The following NRBP1 variants were observed in gnomAD, a reference collection of about 807,000 sequenced individuals.
NRBP1 encodes nuclear receptor-binding protein.
NRBP1 carries 10 observed loss-of-function variants against 76.0 expected under a neutral mutation model. The observed-to-expected ratio is 0.13, with a 90% confidence interval of 0.08 to 0.22. The LOEUF is 0.22. Among genes scored for constraint, NRBP1 ranks in the 10% least tolerant of loss-of-function variants. The pLI, the probability that NRBP1 is intolerant of heterozygous loss-of-function variation, is 1.00. For missense variants in NRBP1, 344 were observed against 646.0 expected, an observed-to-expected ratio of 0.53 and a Z score of 5.07; for synonymous variants, 235 against 240.2, an observed-to-expected ratio of 0.98 and a Z score of 0.20.
intron 6 of NRBP1, 141 bp downstream of exon 6, chr2:27,434,903 G>A (rs1664247382): frequency 1.1e-5 from 10 of 906,034 alleles, no homozygotes; most frequent in Admixed American, 8.0e-5. Context: ...GGGCCCCTAC[G>A]GGTCTTTTAA....
intron 10 of NRBP1, among the ~76,000 whole-genome samples, chr2:27,438,951 C>T (rs1460713104): frequency 6.6e-6 from 1 of 151,326 alleles, no homozygotes; most frequent in African/African-American, 2.4e-5. Flanking sequence ...ACAGCAAGAC[C>T]CTGTCTCAGA....
chr2:27,440,178 ATTT>A, intron 11 of NRBP1: 1 of 559,220 alleles, frequency 1.8e-6, no homozygotes, highest in Non-Finnish European at 3.2e-6. Context: ...TGCCTGGGTA[ATTT>A]TTGTACTTTT....
chr2:27,428,610 C>T (rs954405377), upstream of NRBP1: 26 of 397,708 alleles, frequency 6.5e-5, no homozygotes, highest in Non-Finnish European at 9.3e-5. Context: ...CCGGGCGCCG[C>T]GAGGGCGGGG....
chr2:27,439,527 C>T (rs1201306054), intron 10 of NRBP1, among the ~76,000 whole-genome samples: 1 of 150,822 alleles, frequency 6.6e-6, no homozygotes, highest in East Asian at 1.9e-4. Context: ...AAAAAGAAAG[C>T]TTGTGGTTGG....
intron 1 of NRBP1, among the ~76,000 whole-genome samples, chr2:27,430,478 T>TTTTTTC: frequency 7.3e-6 from 1 of 137,814 alleles, no homozygotes; most frequent in African/African-American, 2.8e-5. Flanking sequence ...TCTTTTTTTT[T>TTTTTTC]TTTTTTTTGA....
intron 2 of NRBP1, 68 bp from the exon 3 acceptor site, chr2:27,433,605 A>G (rs1664190652): frequency 5.0e-6 from 8 of 1,608,866 alleles, no homozygotes; most frequent in Non-Finnish European, 6.8e-6. Context: ...GGAGATGATC[A>G]TATGGAGTGT....
rs767027817 is a variant in NRBP1 at position 27,441,306 on chromosome 2, C to A, written c.1423C>A (p.His475Asn). The A allele has an allele frequency of 1.5e-5, 24 of 1,614,110 alleles. No homozygotes were observed. Among genetic ancestry groups the A allele is most frequent in the Non-Finnish European group, 2.0e-5 (24 of 1,179,984 alleles). The change falls in exon 16 of 18, where the codon CAC becomes AAC. Residue 475 changes from histidine (H) to asparagine (N), a missense_variant. By Grantham distance (68) the His-to-Asn change is moderately conservative (BLOSUM62 1). This residue lies in a region of NRBP1 where 218 missense variants were observed against 309.8 expected (regional missense o/e 0.70). Coordinates refer to ENST00000379852, the MANE Select transcript of NRBP1 (RefSeq NM_013392.4). ...LLKLEDKLNR[H>N]LSCDLMPNEN... ...GAAGTTGGAGGACAAACTGAACCGGCACCTGAGCTGTGACCTGATGCCAAG... is the reference window on the plus strand; with the variant it reads ...GAAGTTGGAGGACAAACTGAACCGGAACCTGAGCTGTGACCTGATGCCAAG...
chr2:27,439,669 T>C (rs1366090335), intron 10 of NRBP1, 97 bp from the exon 11 acceptor site: 4 of 1,411,490 alleles, frequency 2.8e-6, no homozygotes, highest in Non-Finnish European at 3.9e-6. Context: ...GCACCTACTA[T>C]GTACAAAGCC....
At chr2:27,434,210 C>A in intron 4 of NRBP1, 120 bp downstream of exon 4, 1 of 854,346 alleles carries the variant, frequency 1.2e-6, no homozygotes, top group East Asian at 2.4e-5. Flanking sequence ...CTGGAATCAG[C>A]TGCAATGGCG....
chr2:27,432,836 C>T (rs1256542109), intron 1 of NRBP1, among the ~76,000 whole-genome samples: 1 of 152,130 alleles, frequency 6.6e-6, no homozygotes, highest in East Asian at 1.9e-4. Flanking sequence ...CTCGGCTTCT[C>T]AAAGTGCTGG....
chr2:27,438,359 C>T (rs554512168), intron 10 of NRBP1, among the ~76,000 whole-genome samples: 3 of 152,082 alleles, frequency 2.0e-5, no homozygotes, highest in South Asian at 2.1e-4. Flanking sequence ...TAGTTAGGGA[C>T]GGTGGCCTGA....
rs1664458440 is a variant in NRBP1 at position 27,439,878 on chromosome 2, A to G, written c.1016A>G (p.His339Arg). The change falls in exon 11 of 18, where the codon CAC becomes CGC. Residue 339 changes from histidine (H) to arginine (R), a missense_variant. Physicochemically the swap from His to Arg is conservative, Grantham distance 29. Around this residue, in one of 3 missense-constraint regions of NRBP1, gnomAD observed 218 missense variants for 309.8 expected, o/e 0.70. Coordinates refer to ENST00000379852, the MANE Select transcript of NRBP1 (RefSeq NM_013392.4). ...EVPSLKLLAA[H>R]CIVGHQHMIP... ...CCCTCGCTCAAACTCCTTGCGGCCC[A>G]CTGCATTGTGGGACACCAACGTGAG... The G allele has an allele frequency of 6.2e-7, 1 of 1,613,034 alleles. No individual in the cohort carries two copies. The highest frequency in any genetic ancestry group is 8.5e-7 in the Non-Finnish European group (1 of 1,179,714).
At chr2:27,433,568 C>G in intron 2 of NRBP1, 85 bp downstream of exon 2, 4 of 1,601,698 alleles carry the variant, frequency 2.5e-6, no homozygotes, top group Non-Finnish European at 3.4e-6. Context: ...AGAGGCCAAC[C>G]AAACTTCAAT....
intron 12 of NRBP1, 35 bp from the exon 13 acceptor site, chr2:27,440,617 C>G: frequency 1.2e-6 from 2 of 1,613,636 alleles, no homozygotes; most frequent in Middle Eastern, 1.7e-4. Flanking sequence ...TTGCTTGTTT[C>G]TTTCCTTCCA....
chr2:27,432,494 A>ATGT (rs1031572300), intron 1 of NRBP1, among the ~76,000 whole-genome samples: 15 of 152,088 alleles, frequency 9.9e-5, no homozygotes, highest in African/African-American at 3.4e-4. Flanking sequence ...GGGTCTTTTT[A>ATGT]TGTTGTCCAG....
At position 27,433,390 on chromosome 2, in the gene NRBP1, A is replaced by C; in HGVS notation, c.117A>C (p.Ser39=). The part of the protein sequence containing the change: ...SVSPPVTSTT[S]AASPEEEEES... ...CACCTCCTGTGACCTCCACAACCTC[A>C]GCTGCTTCCCCAGAGGAAGAAGAAG... The change falls in exon 2 of 18, where the codon TCA becomes TCC. Residue 39 remains serine, a synonymous_variant. Coordinates refer to ENST00000379852, the MANE Select transcript of NRBP1 (RefSeq NM_013392.4). 6 of 1,614,150 alleles carry C rather than the reference A, an allele frequency of 3.7e-6. No individual in the cohort carries two copies. The highest frequency in any genetic ancestry group is 5.1e-6 in the Non-Finnish European group (6 of 1,180,002).
chr2:27,440,352 C>T, intron 11 of NRBP1, 51 bp from the exon 12 acceptor site: 1 of 1,274,836 alleles, frequency 7.8e-7, no homozygotes, highest in Non-Finnish European at 1.1e-6. Context: ...CCTTCTTTGA[C>T]ATTTAATCTG....
chr2:27,428,981 G>T (rs1239825767), intron 1 of NRBP1, among the ~76,000 whole-genome samples: 1 of 151,548 alleles, frequency 6.6e-6, no homozygotes, highest in Non-Finnish European at 1.5e-5. Flanking sequence ...GCGGGCGCGG[G>T]TCGGGAGGCC....
chr2:27,436,139 G>A (rs1664297732), intron 7 of NRBP1: 3 of 312,334 alleles, frequency 9.6e-6, no homozygotes, highest in Non-Finnish European at 1.8e-5. Context: ...TAGAACAGGA[G>A]TCTAAAATGT....
Sources: allele counts gnomAD v4.1 joint callset (sites outside exome capture counted in the v4.1 genomes callset), GRCh38; gene constraint gnomAD v4.1.1; regional missense constraint gnomAD v4.1.1; transcripts MANE v1.5; gene names NCBI Gene and HGNC (gene_info 2026-07-23, HGNC 2026-07-21).